The following DOCK2 variants were observed in gnomAD, a reference collection of about 807,000 sequenced individuals.
DOCK2 encodes the protein dedicator of cytokinesis 2.
DOCK2 carries 87 observed loss-of-function variants against 248.9 expected under a neutral mutation model. That is an observed-to-expected ratio of 0.35 (90% CI 0.29 to 0.42). The LOEUF (loss-of-function observed/expected upper bound fraction) is 0.42. DOCK2 is among the 10% of genes least tolerant of loss of function. The pLI is 1.00. For synonymous variants in DOCK2, 805 were observed against 821.6 expected (o/e 0.98, Z 0.35); for missense variants, 1,747 against 2,300.2 (o/e 0.76, Z 4.92).
At chr5:169,709,914 C>T (rs570070222) in intron 15 of DOCK2, among the ~76,000 whole-genome samples, 7 of 152,290 alleles carry the variant, frequency 4.6e-5, no homozygotes, top group African/African-American at 1.4e-4. Flanking sequence ...CGTTGACTAC[C>T]GAGCATTTTC....
At chr5:169,682,882 G>A (rs1042342699) in intron 7 of DOCK2, among the ~76,000 whole-genome samples, 2 of 152,090 alleles carry the variant, frequency 1.3e-5, no homozygotes, top group African/African-American at 4.8e-5. Context: ...TCATATAAGT[G>A]GAATCGTGCA....
intron 23 of DOCK2, among the ~76,000 whole-genome samples, chr5:169,752,403 C>T (rs532351134): frequency 5.9e-5 from 9 of 152,082 alleles, no homozygotes; most frequent in Middle Eastern, 6.8e-3. Flanking sequence ...ACAATGGCTG[C>T]CACACAGAAA....
chr5:169,996,716 G>A (rs1328654908), intron 30 of DOCK2, among the ~76,000 whole-genome samples: 1 of 152,176 alleles, frequency 6.6e-6, no homozygotes, highest in Non-Finnish European at 1.5e-5. Context: ...GGAAAGTCCA[G>A]ATTGCTTCCT....
chr5:169,770,082 G>A (rs1277287310), intron 25 of DOCK2, among the ~76,000 whole-genome samples: 2 of 152,126 alleles, frequency 1.3e-5, no homozygotes, highest in Non-Finnish European at 2.9e-5. Context: ...CAGAGCTGGA[G>A]CAGTCCTGGC....
intron 26 of DOCK2, among the ~76,000 whole-genome samples, chr5:169,811,956 CAT>C (rs1335613125): frequency 6.6e-6 from 1 of 152,234 alleles, no homozygotes; most frequent in East Asian, 1.9e-4. Flanking sequence ...AATTGCCTAA[CAT>C]GTGCTCTATT....
chr5:170,000,413 C>T (rs1246045259), intron 30 of DOCK2: 4 of 152,220 alleles, frequency 2.6e-5, no homozygotes, highest in Non-Finnish European at 5.9e-5. Flanking sequence ...GGTCATCTAA[C>T]CAATAAATGG....
chr5:169,859,975 T>C (rs1290683818), intron 27 of DOCK2, among the ~76,000 whole-genome samples: 2,523 of 123,258 alleles, frequency 0.02, 26 homozygotes, highest in African/African-American at 0.062. Context: ...TTTTTTTTTT[T>C]CTTTTTTTTT....
At chr5:169,807,271 G>A (rs1474091014) in intron 26 of DOCK2, among the ~76,000 whole-genome samples, 1 of 152,128 alleles carries the variant, frequency 6.6e-6, no homozygotes, top group Admixed American at 6.5e-5. Flanking sequence ...ACCTGAGCAG[G>A]CACCCCCAGT....
intron 27 of DOCK2, among the ~76,000 whole-genome samples, chr5:169,893,452 C>T (rs1561801895): frequency 6.8e-6 from 1 of 148,104 alleles, no homozygotes; most frequent in African/African-American, 2.5e-5. Flanking sequence ...TTGTTTTTCA[C>T]TACATAACTG....
chr5:169,657,408 CA>C (rs1758183954), intron 2 of DOCK2, among the ~76,000 whole-genome samples: 1 of 152,188 alleles, frequency 6.6e-6, no homozygotes, highest in South Asian at 2.1e-4. Context: ...AACCTTCTTA[CA>C]GAAAACTACT....
intron 26 of DOCK2, among the ~76,000 whole-genome samples, chr5:169,835,339 C>T (rs1000761289): frequency 1.3e-5 from 2 of 150,038 alleles, no homozygotes; most frequent in African/African-American, 2.5e-5. Flanking sequence ...ACTGCAACCT[C>T]TGCCTCCTGG....
rs917272588 is a variant in DOCK2, at chr5:169,740,557, C to G, written c.2268-6839C>G. 3.3e-5 allele frequency among the ~76,000 whole-genome samples: 5 copies of G among 152,348 alleles called. No individual in the cohort carries two copies. The East Asian group carries it at 9.6e-4, about 29-fold the overall frequency. On this transcript the variant is annotated intron_variant, in intron 22 of 51. Coordinates refer to ENST00000520908, the MANE Select transcript of DOCK2 (RefSeq NM_004946.3). ...AAAGTAACAGCTCAATAGAAATAAT[C>G]TCGTCATTGACAAAAGTACTTGGCA...
intron 2 of DOCK2, among the ~76,000 whole-genome samples, chr5:169,659,714 A>G (rs753649820): frequency 3.3e-5 from 5 of 152,188 alleles, no homozygotes; most frequent in Non-Finnish European, 7.4e-5. Flanking sequence ...TTCATTGCCC[A>G]TATTATATCT....
Position 169,780,565 on chromosome 5 carries a change from T to C in DOCK2, c.2554+18940T>C, listed in dbSNP as rs565200698. 2.6e-5 allele frequency among the ~76,000 whole-genome samples: 4 copies of C among 152,244 alleles called. No individual in the cohort carries two copies. The South Asian group carries it at 8.3e-4, about 32-fold the overall frequency. On this transcript the variant is annotated intron_variant, in intron 25 of 51. Coordinates refer to ENST00000520908, the MANE Select transcript of DOCK2 (RefSeq NM_004946.3). ...CGGGATCTCAGGGGCCTCTCCTCCT[T>C]CTCGTGCTTCTCTAAGATTTTCCTT...
rs143723048 is a variant in DOCK2 at position 169,887,599 on chromosome 5, T to A, written c.2799+46747T>A. On this transcript the variant is annotated intron_variant, in intron 27 of 51. Coordinates refer to ENST00000520908, the MANE Select transcript of DOCK2 (RefSeq NM_004946.3). The stretch of plus-strand genomic sequence containing the variant: ...AGTAGGCTAACATGAATTTGTCTAG[T>A]TATACAATTATCTATTTAAATAGTA... Among the ~76,000 whole-genome samples, 1,448 of 152,352 alleles carry A rather than the reference T, an allele frequency of 9.5e-3. 22 individuals carry two copies. Among genetic ancestry groups the A allele is most frequent in the African/African-American group, 0.033 (1,374 of 41,574 alleles).
intron 27 of DOCK2, among the ~76,000 whole-genome samples, chr5:169,908,871 T>G (rs1472995573): frequency 6.6e-6 from 1 of 151,974 alleles, no homozygotes; most frequent in Non-Finnish European, 1.5e-5. Flanking sequence ...CCCACTACAT[T>G]ATTGCATTTC....
intron 8 of DOCK2, among the ~76,000 whole-genome samples, chr5:169,685,158 G>T (rs1222031032): frequency 6.6e-6 from 1 of 152,208 alleles, no homozygotes; most frequent in Admixed American, 6.5e-5. Flanking sequence ...AGGGTCATTT[G>T]CTTCAGGCTT....
At chr5:169,845,064 T>G (rs1770223098) in intron 27 of DOCK2, among the ~76,000 whole-genome samples, 1 of 151,482 alleles carries the variant, frequency 6.6e-6, no homozygotes. Flanking sequence ...GAATCTCAAA[T>G]GCACTGCACC....
rs766122778 is a variant in DOCK2 at position 170,008,762 on chromosome 5, C to T, written c.3232+16C>T. The T allele has an allele frequency of 6.2e-7, 1 of 1,613,862 alleles. No homozygotes were observed. Reference sequence around the variant, plus strand: ...TACAAGCTTGGTGAGTAGGCACACACATCCAGATACTCACATCTGCAGGCA... The same window carrying T: ...TACAAGCTTGGTGAGTAGGCACACATATCCAGATACTCACATCTGCAGGCA... On this transcript the variant is annotated intron_variant, in intron 32 of 51. Transcript: ENST00000520908.
Sources: gnomAD v4.1 joint callset for allele counts (sites outside exome capture counted in the v4.1 genomes callset) on GRCh38, gnomAD v4.1.1 for gene constraint, MANE v1.5 for transcripts, NCBI Gene and HGNC (gene_info 2026-07-23, HGNC 2026-07-21) for gene names.